ZNF83: variants seen among roughly 807,000 people sequenced by gnomAD.
ZNF83 encodes zinc finger protein 816B.
For missense variants in ZNF83, 552 were observed against 629.9 expected (o/e 0.88, Z 1.32); for synonymous variants, 209 against 213.0 (o/e 0.98, Z 0.17).
chr19:52,648,222 TGA>T (rs1441411639), intron 3 of ZNF83, among the ~76,000 whole-genome samples: 1 of 152,038 alleles, frequency 6.6e-6, no homozygotes, highest in Non-Finnish European at 1.5e-5. Flanking sequence ...CCATCTGTTA[TGA>T]GTCTCTCTCA....
chr19:52,687,588 A>AAT lies in ZNF83; in HGVS notation c.-283+2854_-283+2855insAT, dbSNP rs1568588755. Among the ~76,000 whole-genome samples the AAT allele has an allele frequency of 3.9e-4, 17 of 43,984 alleles. No homozygotes were observed. In the African/African-American group the frequency reaches 4.0e-3, roughly 10 times the overall value. The allele number at this position is 43,984 out of a possible 152,430, so 28.9% of individuals were successfully genotyped here. ...ATATATATATAAATTTTATATATAT[A>AAT]TATATATAATGTATATATATATAAT... is the stretch of plus-strand genomic sequence containing the variant. On this transcript the variant is annotated intron_variant, in intron 1 of 5. Coordinates refer to the ZNF83 transcript ENST00000594682.
At chr19:52,659,435 T>C (rs2061549003) in intron 2 of ZNF83, among the ~76,000 whole-genome samples, 1 of 152,140 alleles carries the variant, frequency 6.6e-6, no homozygotes, top group Non-Finnish European at 1.5e-5. Context: ...TATATAAAAA[T>C]GTTCAGACAG....
chr19:52,653,138 G>A, intron 3 of ZNF83: 1 of 1,458,346 alleles, frequency 6.9e-7, no homozygotes. Context: ...CCACACTCAT[G>A]ACAGTTGTAA....
chr19:52,631,421 A>G (rs1700764162), intron 2 of ZNF83, among the ~76,000 whole-genome samples: 2 of 152,216 alleles, frequency 1.3e-5, no homozygotes, highest in South Asian at 4.1e-4. Context: ...GTCTGCGTGC[A>G]GCAGCTGCTG....
intron 1 of ZNF83, among the ~76,000 whole-genome samples, chr19:52,675,508 T>C (rs1267620756): frequency 1.3e-5 from 2 of 152,124 alleles, no homozygotes; most frequent in African/African-American, 4.8e-5. Context: ...CATCATACCC[T>C]GCACACACTG....
In ZNF83 at chr19:52,613,945, C is replaced by T. The variant is rs1446783566; in HGVS notation, c.620G>A (p.Cys207Tyr). Residue 207 changes from cysteine to tyrosine, a missense_variant, in exon 3 of 3, where the codon TGT (cysteine) becomes TAT (tyrosine). Physicochemically the swap from Cys to Tyr is radical, Grantham distance 194. Coordinates refer to ENST00000301096, the Ensembl canonical transcript of ZNF83. ...ATGGAAGACCTTTCCACATTCATTA[C>T]ATTTATAAGGTTTCTCTCCGGTATG... 6.2e-7 allele frequency: 1 copy of T among 1,613,306 alleles called. No individual in the cohort carries two copies. Among genetic ancestry groups the T allele is most frequent in the African/African-American group, 1.3e-5 (1 of 74,902 alleles).
At chr19:52,678,272 G>A (rs1600268198) in intron 1 of ZNF83, among the ~76,000 whole-genome samples, 1 of 151,324 alleles carries the variant, frequency 6.6e-6, no homozygotes, top group Non-Finnish European at 1.5e-5. Flanking sequence ...CCAAGATGGT[G>A]AAACCCCGTC....
At chr19:52,648,818 G>T (rs754640463) in intron 3 of ZNF83, among the ~76,000 whole-genome samples, 1 of 152,118 alleles carries the variant, frequency 6.6e-6, no homozygotes, top group South Asian at 2.1e-4. Flanking sequence ...TAGTCACTAC[G>T]GAGTCTGACC....
chr19:52,657,809 T>C (rs188256100), intron 2 of ZNF83, among the ~76,000 whole-genome samples: 2 of 151,202 alleles, frequency 1.3e-5, no homozygotes, highest in East Asian at 3.9e-4. Context: ...ATTGCATCAT[T>C]GCACTCCAGC....
intron 3 of ZNF83, chr19:52,653,928 C>T: frequency 9.3e-7 from 1 of 1,075,754 alleles, no homozygotes; most frequent in Non-Finnish European, 1.4e-6. Context: ...TGTGTTCTTC[C>T]TGGATTTGTG....
At chr19:52,671,576 G>A (rs1308675013) in intron 1 of ZNF83, among the ~76,000 whole-genome samples, 1 of 151,988 alleles carries the variant, frequency 6.6e-6, no homozygotes, top group Non-Finnish European at 1.5e-5. Flanking sequence ...CCAACTAGCT[G>A]GAGCTGCAGG....
chr19:52,657,907 C>T lies in ZNF83; in HGVS notation c.-200-2220G>A, dbSNP rs371276652. Among the ~76,000 whole-genome samples, 62 of 150,970 alleles carry T rather than the reference C, an allele frequency of 4.1e-4. No individual in the cohort carries two copies. In the East Asian group the frequency reaches 9.0e-3, roughly 22 times the overall value. Reference sequence around the variant, plus strand: ...ATCCTAGCACTTTGGGAGGCCAAGGCGGGGGGATCACCTGAGGTTGGTAGC... The same window carrying T: ...ATCCTAGCACTTTGGGAGGCCAAGGTGGGGGGATCACCTGAGGTTGGTAGC... On this transcript the variant is annotated intron_variant, in intron 2 of 5. Transcript: ENST00000594682.
At chr19:52,686,475 T>A (rs200746500) in intron 1 of ZNF83, among the ~76,000 whole-genome samples, 3 of 100,114 alleles carry the variant, frequency 3.0e-5, no homozygotes, top group Non-Finnish European at 6.1e-5. Flanking sequence ...TATATATATA[T>A]ATATATAAAT....
intron 1 of ZNF83, among the ~76,000 whole-genome samples, chr19:52,672,185 G>A (rs2061735522): frequency 6.6e-6 from 1 of 152,122 alleles, no homozygotes; most frequent in African/African-American, 2.4e-5. Flanking sequence ...AGTGAGCAAA[G>A]ATCTCACCAC....
intron 1 of ZNF83, among the ~76,000 whole-genome samples, chr19:52,686,258 A>G (rs1452745471): frequency 1.3e-5 from 2 of 152,020 alleles, no homozygotes; most frequent in Non-Finnish European, 2.9e-5. Flanking sequence ...TCAAACCGAA[A>G]CTATTTTTAA....
At chr19:52,646,910 G>A (rs753806105) in intron 3 of ZNF83, among the ~76,000 whole-genome samples, 8 of 152,192 alleles carry the variant, frequency 5.3e-5, no homozygotes, top group Non-Finnish European at 1.2e-4. Context: ...TTATGGTATA[G>A]ATTACATAAC....
At chr19:52,647,700 CT>C (rs2061390736) in intron 3 of ZNF83, among the ~76,000 whole-genome samples, 1 of 151,288 alleles carries the variant, frequency 6.6e-6, no homozygotes. Flanking sequence ...TTCTGTACCC[CT>C]CTCTTCTGCT....
intron 2 of ZNF83, among the ~76,000 whole-genome samples, chr19:52,631,380 C>T: frequency 6.6e-6 from 1 of 152,150 alleles, no homozygotes; most frequent in East Asian, 1.9e-4. Flanking sequence ...GTCCAAACAA[C>T]TTGACCTTAC....
chr19:52,681,579 T>A (rs1265027852), intron 1 of ZNF83, among the ~76,000 whole-genome samples: 1 of 152,206 alleles, frequency 6.6e-6, no homozygotes, highest in African/African-American at 2.4e-5. Flanking sequence ...TGAAGAAAGA[T>A]CTGTACTTGG....
Sources: gnomAD v4.1 joint callset for allele counts (sites outside exome capture counted in the v4.1 genomes callset) on GRCh38, gnomAD v4.1.1 for gene constraint, MANE v1.5 for transcripts, NCBI Gene and HGNC (gene_info 2026-07-23, HGNC 2026-07-21) for gene names.